The following SLF2 variants were observed in gnomAD, a reference collection of about 807,000 sequenced individuals.
The protein encoded by SLF2 is SMC5/6 complex localization factor 2.
Under a neutral mutation model 124.3 loss-of-function variants are expected in SLF2, and 68 were observed. That is an observed-to-expected ratio of 0.55 (90% CI 0.45 to 0.67). The LOEUF (loss-of-function observed/expected upper bound fraction) is 0.67. SLF2 is among the 30% of genes least tolerant of loss of function. The pLI is 0.00. For missense variants in SLF2, 1,246 were observed against 1,373.7 expected (o/e 0.91, Z 1.47); for synonymous variants, 480 against 478.8 (o/e 1.00, Z -0.03).
chr10:100,945,885 A>G (rs1049638218), intron 13 of SLF2, among the ~76,000 whole-genome samples: 1 of 152,236 alleles, frequency 6.6e-6, no homozygotes, highest in African/African-American at 2.4e-5. Flanking sequence ...AGTACTACAA[A>G]TGAAAATAAA....
Position 100,924,334 on chromosome 10 carries a change from C to T in SLF2, c.1333C>T (p.Gln445Ter). 6.2e-7 allele frequency: 1 copy of T among 1,613,938 alleles called. No individual in the cohort carries two copies. The highest frequency in any genetic ancestry group is 8.5e-7 in the Non-Finnish European group (1 of 1,179,996). The change falls in exon 5 of 20, where the codon CAG becomes TAG. Residue 445 changes from glutamine (Q) to a stop codon, truncating the protein, a stop_gained. Transcript: ENST00000238961. LOFTEE classifies it high-confidence loss of function. ...KMQKPHLPLS[Q>*]EKSAIKKASN... Reference sequence around the variant, plus strand: ...GCAGAAACCCCACTTACCTTTATCTCAGGAAAAGTCTGCAATTAAAAAAGC... The same window carrying T: ...GCAGAAACCCCACTTACCTTTATCTTAGGAAAAGTCTGCAATTAAAAAAGC...
chr10:100,935,971 C>T (rs915142036), intron 9 of SLF2, among the ~76,000 whole-genome samples: 16 of 150,088 alleles, frequency 1.1e-4, no homozygotes, highest in Admixed American at 9.9e-4. Flanking sequence ...TGATCCTCCC[C>T]CCTCAGCCCC....
rs774185024 is a variant in SLF2, at chr10:100,924,353, A to G, written c.1352A>G (p.Lys451Arg). 44 of 1,613,808 alleles carry G rather than the reference A, an allele frequency of 2.7e-5. No individual in the cohort carries two copies. The highest frequency in any genetic ancestry group is 3.6e-5 in the Non-Finnish European group (42 of 1,179,986). ...LPLSQEKSAI[K>R]KASNLQKNKT... is the part of the protein sequence containing the mutation. ...TTATCTCAGGAAAAGTCTGCAATTA[A>G]AAAAGCTAGCAACCTTCAGAAAAAT... Residue 451 changes from lysine (K) to arginine (R), a missense_variant, in exon 5 of 20, where the codon AAA (lysine) becomes AGA (arginine). Physicochemically the swap from Lys to Arg is conservative, Grantham distance 26. Around this residue, in one of 3 missense-constraint regions of SLF2, gnomAD observed 698 missense variants for 708.9 expected, o/e 0.98. Coordinates refer to ENST00000238961, the MANE Select transcript of SLF2 (RefSeq NM_018121.4).
chr10:100,950,802 G>A lies in SLF2; in HGVS notation c.3330+49G>A, dbSNP rs554944120. 1.1e-5 allele frequency: 15 copies of A among 1,416,574 alleles called. No homozygotes were observed. In the African/African-American group the frequency reaches 2.0e-4, roughly 19 times the overall value. 87.8% of individuals were successfully genotyped at this position (1,416,574 alleles called of 1,614,324 possible). On this transcript the variant is annotated intron_variant, in intron 17 of 19. Coordinates refer to ENST00000238961, the MANE Select transcript of SLF2 (RefSeq NM_018121.4). ...CTGCTGTTTTTAAATAGGTGTTACT[G>A]ATGATGGAATGAGTGAGCATGCTTT...
chr10:100,916,811 T>G lies in SLF2; in HGVS notation c.426T>G (p.Tyr142Ter). ...CTTGTCTGTCACTAGCCTCCAAATATTTAGCCAAAGGAACAAATATCTATG... is the reference window on the plus strand; with the variant it reads ...CTTGTCTGTCACTAGCCTCCAAATAGTTAGCCAAAGGAACAAATATCTATG... ...RRPCLSLASKYLAKGTNIYVP... is the reference protein window; with the variant it reads ...RRPCLSLASK Residue 142 changes from tyrosine (Y) to a stop codon, truncating the protein, a stop_gained, in exon 3 of 20, where the codon TAT becomes TAG. Coordinates refer to ENST00000238961, the MANE Select transcript of SLF2 (RefSeq NM_018121.4). LOFTEE classifies it high-confidence loss of function. 1 of 1,614,040 alleles carries G rather than the reference T, an allele frequency of 6.2e-7. No homozygotes were observed. The highest frequency in any genetic ancestry group is 8.5e-7 in the Non-Finnish European group (1 of 1,180,008).
At position 100,917,019 on chromosome 10, in the gene SLF2, A is replaced by T. The variant is rs1278057406; in HGVS notation, c.634A>T (p.Ser212Cys). 6.2e-7 allele frequency: 1 copy of T among 1,614,242 alleles called. No individual in the cohort carries two copies. Among genetic ancestry groups the T allele is most frequent in the East Asian group, 2.2e-5 (1 of 44,884 alleles). The stretch of plus-strand genomic sequence containing the variant: ...GGCAGAAGCTGACATCTTCAATAAC[A>T]GCTCCAGAAGCCTTAGCAGCAGGAG... ...TVAEADIFNN[S>C]SRSLSSRSSL... The change falls in exon 3 of 20, where the codon AGC becomes TGC. Residue 212 changes from serine (S) to cysteine (C), a missense_variant. Physicochemically the swap from Ser to Cys is moderately radical, Grantham distance 112. This residue lies in a region of SLF2 where 698 missense variants were observed against 708.9 expected (regional missense o/e 0.98). Coordinates refer to ENST00000238961, the MANE Select transcript of SLF2 (RefSeq NM_018121.4).
chr10:100,914,010 A>G (rs1849370831), intron 1 of SLF2: 1 of 526,326 alleles, frequency 1.9e-6, no homozygotes, highest in Non-Finnish European at 2.4e-6. Context: ...GAAAGCTATG[A>G]AAACCAAAAC....
rs746716677 is a variant in SLF2, at chr10:100,924,237, T to C, written c.1236T>C (p.Ser412=). 25 of 1,614,164 alleles carry C rather than the reference T, an allele frequency of 1.5e-5. No homozygotes were observed. The highest frequency in any genetic ancestry group is 2.0e-5 in the Non-Finnish European group (24 of 1,180,032). ...GSSAGLAPSN[S]GNSGHHSTRN... is the part of the protein sequence containing the mutation. ...CTGCAGGCTTGGCACCTTCAAATTC[T>C]GGCAATTCTGGCCACCATTCTACCA... The change falls in exon 5 of 20, where the codon TCT becomes TCC. Residue 412 remains serine (S), a synonymous_variant. Coordinates refer to ENST00000238961, the MANE Select transcript of SLF2 (RefSeq NM_018121.4).
At position 100,963,801 on chromosome 10, in the gene SLF2, C is replaced by T. The variant is rs750331716; in HGVS notation, c.*1889C>T. 1.3e-5 allele frequency: 2 copies of T among 151,306 alleles called. No individual in the cohort carries two copies. Among genetic ancestry groups the T allele is most frequent in the Non-Finnish European group, 2.9e-5 (2 of 67,802 alleles). The allele number at this position is 151,306 out of a possible 1,614,324, so 9.4% of individuals were successfully genotyped here. ...GTTATTCAGGTTTTTTTTTAATGAC[C>T]CTTTTGTATTGCAGTTTCAACAGAT... is the stretch of plus-strand genomic sequence containing the variant. On this transcript the variant is annotated 3_prime_UTR_variant, in exon 20 of 20. Transcript: ENST00000238961.
rs1381391130 is a variant in SLF2 at position 100,924,010 on chromosome 10, A to G, written c.1009A>G (p.Lys337Glu). The change falls in exon 5 of 20, where the codon AAA becomes GAA. Residue 337 changes from lysine (K) to glutamate (E), a missense_variant. Lys to Glu is a moderately conservative substitution (Grantham distance 56). Around this residue, in one of 3 missense-constraint regions of SLF2, gnomAD observed 698 missense variants for 708.9 expected, o/e 0.98. Transcript: ENST00000238961. ...SKQNKFPEKRKRNSVDSDLKS... is the reference protein window; with the variant it reads ...SKQNKFPEKRERNSVDSDLKS... ...GCAGAATAAATTCCCTGAAAAAAGA[A>G]AAAGGAACTCTGTGGACTCAGATCT... 6.4e-7 allele frequency: 1 copy of G among 1,561,056 alleles called. No homozygotes were observed. The highest frequency in any genetic ancestry group is 1.2e-5 in the South Asian group (1 of 81,890).
intron 17 of SLF2, among the ~76,000 whole-genome samples, chr10:100,951,168 G>A (rs183023048): frequency 1.4e-3 from 213 of 152,284 alleles, no homozygotes; most frequent in African/African-American, 4.8e-3. Flanking sequence ...GCTTGAACCC[G>A]GGAGGTGGAG....
Position 100,932,726 on chromosome 10 carries a change from C to T in SLF2, c.2436+1648C>T, listed in dbSNP as rs201570485. Among the ~76,000 whole-genome samples the T allele has an allele frequency of 2.7e-4, 39 of 144,822 alleles. No individual in the cohort carries two copies. The Middle Eastern group carries it at 0.011, about 41-fold the overall frequency. ...GTGTGTGTGTGTGTGTGTGTGCGCG[C>T]GCGCGCGCGCGCACATTTGTAAATG... On this transcript the variant is annotated intron_variant, in intron 9 of 19. Coordinates refer to ENST00000238961, the MANE Select transcript of SLF2 (RefSeq NM_018121.4).
intron 9 of SLF2, among the ~76,000 whole-genome samples, chr10:100,936,887 T>C (rs915194677): frequency 6.6e-6 from 1 of 151,514 alleles, no homozygotes; most frequent in Non-Finnish European, 1.5e-5. Flanking sequence ...AAGCAGCATG[T>C]TAGAATGTAA....
intron 4 of SLF2, among the ~76,000 whole-genome samples, chr10:100,922,299 C>T (rs576071299): frequency 6.6e-6 from 1 of 152,304 alleles, no homozygotes; most frequent in Non-Finnish European, 1.5e-5. Flanking sequence ...TGGTCTCAAA[C>T]TCCTGAGCCC....
At chr10:100,918,584 T>C in intron 4 of SLF2, 143 bp downstream of exon 4, 1 of 580,558 alleles carries the variant, frequency 1.7e-6, no homozygotes, top group South Asian at 2.2e-5. Context: ...TTTGGTAAGA[T>C]CATATTAAAA....
intron 12 of SLF2, among the ~76,000 whole-genome samples, chr10:100,944,881 T>G (rs1439950281): frequency 6.6e-6 from 1 of 151,504 alleles, no homozygotes; most frequent in Non-Finnish European, 1.5e-5. Context: ...AAAAAAAAAA[T>G]TAGTCAGGCG....
rs571202203 is a variant in SLF2, at chr10:100,964,486, T to C, written c.*2574T>C. On this transcript the variant is annotated 3_prime_UTR_variant, in exon 20 of 20. Transcript: ENST00000238961. The stretch of plus-strand genomic sequence containing the variant: ...GCTCTCCATGCACAAAATGCATTGA[T>C]GTAGCCGTAAAGTAACAGCATTTGT... 1 of 152,704 alleles carries C rather than the reference T, an allele frequency of 6.5e-6. No individual in the cohort carries two copies. Among genetic ancestry groups the C allele is most frequent in the Non-Finnish European group, 1.5e-5 (1 of 68,052 alleles). 9.5% of individuals were successfully genotyped at this position (152,704 alleles called of 1,614,324 possible). A position where few individuals can be genotyped will look rare whatever the true frequency, so the allele number is the denominator to read the frequency against.
intron 14 of SLF2, 101 bp from the exon 15 acceptor site, chr10:100,947,659 A>G (rs1850129647): frequency 2.7e-6 from 2 of 731,670 alleles, no homozygotes; most frequent in Non-Finnish European, 4.6e-6. Context: ...AACATTGCCT[A>G]TATTTCCAAT....
chr10:100,943,708 T>C (rs1489138672), intron 11 of SLF2: 7 of 220,128 alleles, frequency 3.2e-5, no homozygotes, highest in Non-Finnish European at 6.2e-5. Context: ...TAGTACCATA[T>C]AAAAAGTAGC....
Sources: gnomAD v4.1 joint callset for allele counts (sites outside exome capture counted in the v4.1 genomes callset) on GRCh38, gnomAD v4.1.1 for gene constraint, gnomAD v4.1.1 regional missense constraint, MANE v1.5 for transcripts, NCBI Gene and HGNC (gene_info 2026-07-23, HGNC 2026-07-21) for gene names.